XKR4: variants seen among roughly 807,000 people sequenced by gnomAD.
XKR4 encodes XK related 4.
XKR4 carries 12 observed loss-of-function variants against 53.9 expected under a neutral mutation model. That is an observed-to-expected ratio of 0.22 (90% CI 0.14 to 0.36). The LOEUF is 0.36. Ranked by LOEUF, XKR4 falls within the 10% of genes least tolerant of loss-of-function variation. The pLI is 1.00. For synonymous variants in XKR4, 354 were observed against 362.4 expected, an observed-to-expected ratio of 0.98 and a Z score of 0.26; for missense variants, 799 against 859.5, an observed-to-expected ratio of 0.93 and a Z score of 0.88.
At chr8:55,449,345 C>T (rs1464689997) in intron 2 of XKR4, among the ~76,000 whole-genome samples, 6 of 152,106 alleles carry the variant, frequency 3.9e-5, no homozygotes, top group African/African-American at 9.7e-5. Flanking sequence ...GCTGGCCGGG[C>T]GGTGCGGGGC....
intron 1 of XKR4, among the ~76,000 whole-genome samples, chr8:55,163,759 C>T (rs1198125891): frequency 6.6e-6 from 1 of 152,058 alleles, no homozygotes; most frequent in Non-Finnish European, 1.5e-5. Context: ...GCAGGAGAAT[C>T]GGTTGAACTC....
chr8:55,196,115 C>T (rs1817501650), intron 1 of XKR4, among the ~76,000 whole-genome samples: 1 of 151,778 alleles, frequency 6.6e-6, no homozygotes, highest in Non-Finnish European at 1.5e-5. Flanking sequence ...GACAGTTTCC[C>T]TCTACTTCTT....
intron 2 of XKR4, among the ~76,000 whole-genome samples, chr8:55,359,026 A>AACCC (rs1423639267): frequency 6.6e-6 from 1 of 152,240 alleles, no homozygotes; most frequent in African/African-American, 2.4e-5. Context: ...TTCCTGGCCC[A>AACCC]ACCCTAGTTT....
intron 2 of XKR4, chr8:55,450,822 C>A: frequency 2.0e-6 from 1 of 499,374 alleles, no homozygotes; most frequent in East Asian, 4.7e-5. Context: ...TGGTGATGTC[C>A]CAGCCGTCCT....
chr8:55,340,135 G>A (rs529232222), intron 1 of XKR4, among the ~76,000 whole-genome samples: 12 of 152,312 alleles, frequency 7.9e-5, no homozygotes, highest in Non-Finnish European at 1.5e-4. Context: ...AGTAAAATAT[G>A]ATATGGCACA....
chr8:55,305,810 G>C (rs555097777), intron 1 of XKR4, among the ~76,000 whole-genome samples: 1 of 152,134 alleles, frequency 6.6e-6, no homozygotes, highest in East Asian at 1.9e-4. Flanking sequence ...TATATGACTT[G>C]TATATTGATC....
chr8:55,441,242 G>GAAA (rs11393915), intron 2 of XKR4, among the ~76,000 whole-genome samples: 1 of 151,206 alleles, frequency 6.6e-6, no homozygotes, highest in African/African-American at 2.4e-5. Flanking sequence ...CCTGTCTCAA[G>GAAA]AAAAAACATA....
At chr8:55,305,964 A>T (rs560632382) in intron 1 of XKR4, among the ~76,000 whole-genome samples, 1 of 152,232 alleles carries the variant, frequency 6.6e-6, no homozygotes, top group African/African-American at 2.4e-5. Context: ...CAACCAAGAA[A>T]TGTAGGTAAA....
At chr8:55,443,163 G>A (rs746394590) in intron 2 of XKR4, among the ~76,000 whole-genome samples, 145 of 151,958 alleles carry the variant, frequency 9.5e-4, no homozygotes, top group Non-Finnish European at 1.8e-3. Context: ...AACAGCAAAG[G>A]AATTCTAAGA....
intron 1 of XKR4, among the ~76,000 whole-genome samples, chr8:55,311,501 G>A (rs2129378273): frequency 6.6e-6 from 1 of 152,318 alleles, no homozygotes; most frequent in African/African-American, 2.4e-5. Flanking sequence ...GGCAGCTGGA[G>A]ATGTGGCTAG....
At chr8:55,281,075 T>C (rs1043219151) in intron 1 of XKR4, among the ~76,000 whole-genome samples, 1 of 152,298 alleles carries the variant, frequency 6.6e-6, no homozygotes, top group South Asian at 2.1e-4. Context: ...AGGTTTCAAA[T>C]GACAATAGAC....
intron 2 of XKR4, among the ~76,000 whole-genome samples, chr8:55,377,134 G>A (rs1484343107): frequency 6.6e-6 from 1 of 152,174 alleles, no homozygotes; most frequent in Admixed American, 6.5e-5. Context: ...TCTGCAGGTT[G>A]CCTCCTCCAG....
chr8:55,157,478 C>G (rs544511434), intron 1 of XKR4, among the ~76,000 whole-genome samples: 97 of 151,978 alleles, frequency 6.4e-4, no homozygotes, highest in Middle Eastern at 3.4e-3. Context: ...TATAATACCT[C>G]TAAACGTTTT....
intron 2 of XKR4, among the ~76,000 whole-genome samples, chr8:55,464,843 C>A (rs1464618673): frequency 3.3e-5 from 5 of 152,110 alleles, no homozygotes; most frequent in African/African-American, 1.2e-4. Flanking sequence ...ACACCAAAAA[C>A]AGACAAACAG....
chr8:55,451,400 G>T, intron 2 of XKR4: 1 of 883,064 alleles, frequency 1.1e-6, no homozygotes, highest in Non-Finnish European at 1.8e-6. Context: ...AGTGTGTTGC[G>T]TCCGGACGCA....
At chr8:55,127,812 T>C (rs1002426123) in intron 1 of XKR4, among the ~76,000 whole-genome samples, 2 of 147,436 alleles carry the variant, frequency 1.4e-5, no homozygotes, top group Non-Finnish European at 3.0e-5. Flanking sequence ...TTCCCACCTA[T>C]GAGTGAGAAC....
At chr8:55,343,021 C>G (rs1803580490) in intron 1 of XKR4, among the ~76,000 whole-genome samples, 1 of 152,168 alleles carries the variant, frequency 6.6e-6, no homozygotes, top group Non-Finnish European at 1.5e-5. Context: ...TTTGGAAACA[C>G]TGAACTTTTG....
chr8:55,124,200 G>A (rs536468845), intron 1 of XKR4, among the ~76,000 whole-genome samples: 2 of 152,266 alleles, frequency 1.3e-5, no homozygotes, highest in African/African-American at 2.4e-5. Flanking sequence ...AGCTGGCGAC[G>A]CTGCTCACTC....
At chr8:55,250,443 CT>C (rs1435484935) in intron 1 of XKR4, among the ~76,000 whole-genome samples, 1 of 152,152 alleles carries the variant, frequency 6.6e-6, no homozygotes. Context: ...TCTGGCTGCC[CT>C]GATTCTGGAC....
Sources: allele counts gnomAD v4.1 joint callset (sites outside exome capture counted in the v4.1 genomes callset), GRCh38; gene constraint gnomAD v4.1.1; transcripts MANE v1.5; gene names NCBI Gene and HGNC (gene_info 2026-07-23, HGNC 2026-07-21).